USH2A: variants seen among roughly 807,000 people sequenced by gnomAD.
USH2A encodes Usher syndrome 2A (autosomal recessive, mild).
In USH2A, 443 loss-of-function variants were observed where a neutral mutation model predicts 538.9. The observed-to-expected ratio is 0.82, with a 90% CI of 0.76 to 0.89. USH2A has a LOEUF of 0.89. USH2A is among the 40% of genes least tolerant of loss of function. The pLI is 0.00. For missense variants in USH2A, 6,633 were observed against 6,324.8 expected, an observed-to-expected ratio of 1.05 and a Z score of -1.65; for synonymous variants, 2,413 against 2,273.5, an observed-to-expected ratio of 1.06 and a Z score of -1.75.
chr1:216,412,196 A>C (rs2039500455), intron 3 of USH2A, among the ~76,000 whole-genome samples: 1 of 152,164 alleles, frequency 6.6e-6, no homozygotes, highest in African/African-American at 2.4e-5. Flanking sequence ...TTGAGGAGTT[A>C]CATAGTTTTC....
At chr1:215,799,155 C>T (rs776016733) in intron 49 of USH2A, 30 bp from the exon 50 acceptor site, 84 of 1,593,024 alleles carry the variant, frequency 5.3e-5, no homozygotes, top group Non-Finnish European at 6.7e-5. Context: ...ATAATCATTA[C>T]ATCAGTTAAA....
At chr1:216,220,835 T>A (rs1247656754) in intron 14 of USH2A, among the ~76,000 whole-genome samples, 1 of 151,964 alleles carries the variant, frequency 6.6e-6, no homozygotes, top group Non-Finnish European at 1.5e-5. Context: ...AGGATAGGTA[T>A]AAAGTTACTC....
At chr1:216,375,109 T>C (rs1334163514) in intron 3 of USH2A, among the ~76,000 whole-genome samples, 2 of 152,260 alleles carry the variant, frequency 1.3e-5, no homozygotes, top group South Asian at 2.1e-4. Flanking sequence ...ATTATTTCTA[T>C]AAACCATTGA....
intron 61 of USH2A, among the ~76,000 whole-genome samples, chr1:215,691,160 G>A (rs1658592807): frequency 6.6e-6 from 1 of 152,088 alleles, no homozygotes; most frequent in Non-Finnish European, 1.5e-5. Flanking sequence ...GGGATTACAG[G>A]TGTGAGCCAC....
chr1:216,351,663 A>G (rs528296222), intron 4 of USH2A, among the ~76,000 whole-genome samples: 17 of 151,362 alleles, frequency 1.1e-4, no homozygotes, highest in African/African-American at 2.7e-4. Flanking sequence ...TAACAGAACA[A>G]TTATGGCTGC....
At chr1:216,156,291 T>TTTCC (rs1337699428) in intron 21 of USH2A, among the ~76,000 whole-genome samples, 1 of 93,266 alleles carries the variant, frequency 1.1e-5, no homozygotes, top group Non-Finnish European at 1.9e-5. Flanking sequence ...TTTCTTTTTT[T>TTTCC]TTTCTTTTTT....
intron 30 of USH2A, among the ~76,000 whole-genome samples, chr1:216,055,170 C>T (rs926087233): frequency 6.6e-6 from 1 of 152,156 alleles, no homozygotes; most frequent in African/African-American, 2.4e-5. Flanking sequence ...AAAGCTGTTT[C>T]TAGCTTCCTC....
chr1:215,755,017 C>A (rs72740654), intron 58 of USH2A, among the ~76,000 whole-genome samples: 3 of 152,114 alleles, frequency 2.0e-5, no homozygotes, highest in Non-Finnish European at 4.4e-5. Flanking sequence ...AGTCTTGGCA[C>A]GCCACTACAC....
intron 38 of USH2A, among the ~76,000 whole-genome samples, chr1:215,910,280 A>G (rs1665747399): frequency 6.6e-6 from 1 of 151,938 alleles, no homozygotes; most frequent in Admixed American, 6.6e-5. Flanking sequence ...ATTAGCAGCT[A>G]ATTAATGTCT....
intron 49 of USH2A, among the ~76,000 whole-genome samples, chr1:215,812,560 C>A (rs931376938): frequency 7.9e-5 from 12 of 152,070 alleles, no homozygotes; most frequent in African/African-American, 2.9e-4. Flanking sequence ...TTACAGGAAC[C>A]AGACGTTGGG....
In USH2A at chr1:215,960,990, CA is replaced by C. The variant is rs940294339; in HGVS notation, c.7120+4326del. Among the ~76,000 whole-genome samples the C allele has an allele frequency of 2.9e-4, 44 of 152,078 alleles. 1 individual carries two copies. Among genetic ancestry groups the C allele is most frequent in the Admixed American group, 5.9e-4 (9 of 15,236 alleles). On this transcript the variant is annotated intron_variant, in intron 37 of 71. Transcript: ENST00000307340. ...TGTCAGGACAGAGATTCTTCAGGTC[CA>C]ACCTTTGTTGCCATTTTACACACCA...
intron 3 of USH2A, among the ~76,000 whole-genome samples, chr1:216,394,742 A>G (rs1236537672): frequency 8.3e-4 from 19 of 22,896 alleles, no homozygotes; most frequent in African/African-American, 1.0e-3. Flanking sequence ...TTTTTGAGAC[A>G]GAGTCTCGCT....
intron 58 of USH2A, among the ~76,000 whole-genome samples, chr1:215,756,931 CAAACAAACAAATAAATAAAT>C (rs1660812875): frequency 1.3e-5 from 2 of 148,454 alleles, no homozygotes; most frequent in Admixed American, 6.6e-5. Context: ...AACAAACAAA[CAAACAAACAAATAAATAAAT>C]AAATAAATAA....
At chr1:216,153,135 C>A (rs528415738) in intron 21 of USH2A, among the ~76,000 whole-genome samples, 48 of 152,132 alleles carry the variant, frequency 3.2e-4, no homozygotes, top group Non-Finnish European at 5.9e-4. Flanking sequence ...CAATAAAATC[C>A]CCCACATTTA....
Position 215,786,777 on chromosome 1 carries a change from A to C in USH2A, c.10280T>G (p.Val3427Gly). 5 of 1,613,956 alleles carry C rather than the reference A, an allele frequency of 3.1e-6. No homozygotes were observed. The highest frequency in any genetic ancestry group is 4.2e-6 in the Non-Finnish European group (5 of 1,179,958). Residue 3427 changes from valine to glycine, a missense_variant, in exon 52 of 72, where the codon GTG (valine) becomes GGG (glycine). Transcript: ENST00000307340. ...DFNFTSHICT[V>G]IRGSHNSTGK... ...TGTGGAATTGTGAGACCCTCTTATC[A>C]CAGTGCAAATGTGGCTGGTAAAGTT...
At chr1:216,169,050 C>T (rs910907590) in intron 21 of USH2A, among the ~76,000 whole-genome samples, 3 of 152,228 alleles carry the variant, frequency 2.0e-5, no homozygotes, top group Admixed American at 2.0e-4. Flanking sequence ...TATTGCAATT[C>T]CCCTGTCTTG....
At chr1:216,233,129 G>T (rs2035734593) in intron 13 of USH2A, among the ~76,000 whole-genome samples, 1 of 151,958 alleles carries the variant, frequency 6.6e-6, no homozygotes, top group African/African-American at 2.4e-5. Context: ...TTCCCTTTAG[G>T]AAATAAATCC....
intron 60 of USH2A, among the ~76,000 whole-genome samples, chr1:215,733,535 G>T (rs1407529679): frequency 1.3e-5 from 2 of 152,146 alleles, no homozygotes; most frequent in Non-Finnish European, 2.9e-5. Context: ...AAAGCCCCAA[G>T]TCTCAAGTAC....
At chr1:216,219,236 T>C (rs988378892) in intron 14 of USH2A, among the ~76,000 whole-genome samples, 3 of 152,134 alleles carry the variant, frequency 2.0e-5, no homozygotes, top group African/African-American at 7.2e-5. Flanking sequence ...CTTGATTTTA[T>C]AGTCTCTTAT....
Sources: allele counts gnomAD v4.1 joint callset (sites outside exome capture counted in the v4.1 genomes callset), GRCh38; gene constraint gnomAD v4.1.1; transcripts MANE v1.5; gene names NCBI Gene and HGNC (gene_info 2026-07-23, HGNC 2026-07-21).